Variants in LGSN observed in about 807,000 individuals in gnomAD.
LGSN encodes lengsin.
A neutral mutation model predicts 19.5 loss-of-function variants in LGSN; 21 were observed. The ratio of observed to expected loss-of-function variants is 1.07; its 90% CI spans 0.76 to 1.55. LGSN has a LOEUF of 1.55. LGSN is among the 40% of genes most tolerant of loss of function. The pLI is 0.00. For missense variants in LGSN, 673 were observed against 608.5 expected (o/e 1.11, Z -1.12); for synonymous variants, 257 against 215.6 (o/e 1.19, Z -1.68).
chr6:63,305,932 A>G (rs1768365933), intron 1 of LGSN, among the ~76,000 whole-genome samples: 1 of 151,922 alleles, frequency 6.6e-6, no homozygotes, highest in African/African-American at 2.4e-5. Context: ...TTTGATGGCT[A>G]ATTTGGTGTC....
chr6:63,503,307 A>G, the LGSN span, among the ~76,000 whole-genome samples: 1 of 152,258 alleles, frequency 6.6e-6, no homozygotes, highest in Non-Finnish European at 1.5e-5. Context: ...AAGAGGCTCT[A>G]GTTCATTTAT....
At chr6:63,558,387 G>A in the LGSN span, among the ~76,000 whole-genome samples, 3 of 152,168 alleles carry the variant, frequency 2.0e-5, no homozygotes, top group Non-Finnish European at 4.4e-5. Flanking sequence ...CAATCTCTGA[G>A]CCACTGCTCT....
the LGSN span, among the ~76,000 whole-genome samples, chr6:63,431,649 A>G: frequency 6.7e-6 from 1 of 149,074 alleles, no homozygotes; most frequent in African/African-American, 2.5e-5. Context: ...CAAAATTTTT[A>G]AATTAGATCA....
chr6:63,366,461 C>T, the LGSN span, among the ~76,000 whole-genome samples: 19 of 152,218 alleles, frequency 1.2e-4, no homozygotes, highest in Non-Finnish European at 1.8e-4. Context: ...AATGGAAGAA[C>T]ATTCCGTGCT....
the LGSN span, among the ~76,000 whole-genome samples, chr6:63,408,983 T>G: frequency 6.6e-6 from 1 of 152,224 alleles, no homozygotes; most frequent in Non-Finnish European, 1.5e-5. Flanking sequence ...CAATTATAGC[T>G]CATTGCAGCC....
chr6:63,280,942 AAGC>A lies in LGSN; in HGVS notation c.606_608del (p.Leu203del), dbSNP rs1193637453. 1 of 1,614,080 alleles carries A rather than the reference AAGC, an allele frequency of 6.2e-7. No homozygotes were observed. Among genetic ancestry groups the A allele is most frequent in the Non-Finnish European group, 8.5e-7 (1 of 1,180,040 alleles). On this transcript the variant is annotated inframe_deletion, in exon 4 of 4. Coordinates refer to ENST00000370657, the MANE Select transcript of LGSN (RefSeq NM_016571.3). Reference sequence around the variant, plus strand: ...TGCAAAAATCATAGATGAAAGCAGAAAGCAGGGAAAAGCCAGAGGCCTGCAGAT... The same window carrying A: ...TGCAAAAATCATAGATGAAAGCAGAAAGGGAAAAGCCAGAGGCCTGCAGAT...
the LGSN span, among the ~76,000 whole-genome samples, chr6:63,344,054 CCCATAACCT>C: frequency 6.6e-6 from 1 of 152,134 alleles, no homozygotes; most frequent in African/African-American, 2.4e-5. Context: ...TACATTCTTC[CCCATAACCT>C]CCATATGACA....
the LGSN span, among the ~76,000 whole-genome samples, chr6:63,335,393 C>A: frequency 6.6e-6 from 1 of 152,050 alleles, no homozygotes; most frequent in Admixed American, 6.6e-5. Flanking sequence ...ACCTCAAAAG[C>A]ACAGGCAACA....
intron 1 of LGSN, among the ~76,000 whole-genome samples, chr6:63,314,504 CTAT>C (rs1768766805): frequency 6.6e-6 from 1 of 152,108 alleles, no homozygotes; most frequent in Admixed American, 6.6e-5. Flanking sequence ...AGGAAGAGGA[CTAT>C]TAGGAGGAGA....
At position 63,303,182 on chromosome 6, in the gene LGSN, C is replaced by CA. The variant is rs573091559; in HGVS notation, c.31-8138dup. 3.1e-3 allele frequency among the ~76,000 whole-genome samples: 464 copies of CA among 151,726 alleles called. 2 individuals are homozygous for CA. Among genetic ancestry groups the CA allele is most frequent in the African/African-American group, 0.01 (434 of 41,380 alleles). On this transcript the variant is annotated intron_variant, in intron 1 of 3. Transcript: ENST00000370657. ...TGTCAAATCCATAATCCTAGGAAGA[C>CA]AAAAAAAACTTCAGGTACATTTTTG...
the LGSN span, among the ~76,000 whole-genome samples, chr6:63,531,334 G>A: frequency 6.6e-6 from 1 of 152,030 alleles, no homozygotes; most frequent in Non-Finnish European, 1.5e-5. Context: ...AACATTTTCA[G>A]TCTGGGGGTT....
chr6:63,338,039 C>T, the LGSN span, among the ~76,000 whole-genome samples: 1 of 151,888 alleles, frequency 6.6e-6, no homozygotes, highest in Non-Finnish European at 1.5e-5. Flanking sequence ...GTACACACCA[C>T]CACCCCTGGC....
chr6:63,402,330 A>G, the LGSN span, among the ~76,000 whole-genome samples: 1 of 152,208 alleles, frequency 6.6e-6, no homozygotes, highest in Non-Finnish European at 1.5e-5. Context: ...CACCAAGAAG[A>G]TATGATGGAA....
At chr6:63,513,888 G>A in the LGSN span, among the ~76,000 whole-genome samples, 2 of 119,018 alleles carry the variant, frequency 1.7e-5, no homozygotes, top group Non-Finnish European at 3.2e-5. Context: ...TCCAGCCTGG[G>A]CAACAGAGCG....
intron 2 of LGSN, among the ~76,000 whole-genome samples, chr6:63,286,459 A>C (rs1430910444): frequency 6.6e-6 from 1 of 152,200 alleles, no homozygotes; most frequent in Non-Finnish European, 1.5e-5. Flanking sequence ...TGAAAATTCT[A>C]ACTGTAGAGC....
the LGSN span, among the ~76,000 whole-genome samples, chr6:63,532,305 T>C: frequency 2.6e-5 from 4 of 152,212 alleles, no homozygotes; most frequent in African/African-American, 9.6e-5. Context: ...GGTAAATCTC[T>C]ATTAAGTTGT....
At chr6:63,384,853 T>C in the LGSN span, among the ~76,000 whole-genome samples, 9 of 152,150 alleles carry the variant, frequency 5.9e-5, no homozygotes, top group Non-Finnish European at 1.3e-4. Context: ...TAAAATTAAA[T>C]GAGGTTTTAT....
chr6:63,444,712 G>C, the LGSN span, among the ~76,000 whole-genome samples: 2 of 152,076 alleles, frequency 1.3e-5, no homozygotes, highest in Non-Finnish European at 2.9e-5. Context: ...GCTCCTGTCT[G>C]ACCCCTTCTT....
chr6:63,282,138 C>T (rs1000447746), intron 3 of LGSN, among the ~76,000 whole-genome samples: 1 of 152,144 alleles, frequency 6.6e-6, no homozygotes, highest in East Asian at 1.9e-4. Context: ...TGCCAGGCAA[C>T]AGGGAAGTGA....
Sources: gnomAD v4.1 joint callset for allele counts (sites outside exome capture counted in the v4.1 genomes callset) on GRCh38, gnomAD v4.1.1 for gene constraint, MANE v1.5 for transcripts, NCBI Gene and HGNC (gene_info 2026-07-23, HGNC 2026-07-21) for gene names.